Variants in SH3RF3 observed in about 807,000 individuals in gnomAD.
SH3RF3 encodes the protein E3 ubiquitin-protein ligase SH3RF3.
Under a neutral mutation model 66.3 loss-of-function variants are expected in SH3RF3, and 29 were observed. The ratio of observed to expected loss-of-function variants is 0.44; its 90% CI spans 0.33 to 0.60. SH3RF3 has a LOEUF of 0.60. SH3RF3 is among the 20% of genes least tolerant of loss of function. The pLI, the probability that SH3RF3 is intolerant of heterozygous loss-of-function variation, is 0.04. For missense variants in SH3RF3, 1,194 were observed against 1,190.9 expected, an observed-to-expected ratio of 1.00 and a Z score of -0.04; for synonymous variants, 583 against 532.0, an observed-to-expected ratio of 1.10 and a Z score of -1.32.
chr2:109,389,830 G>A (rs1490895840), intron 3 of SH3RF3, among the ~76,000 whole-genome samples: 1 of 152,058 alleles, frequency 6.6e-6, no homozygotes, highest in East Asian at 1.9e-4. Context: ...TGATGGGGGT[G>A]CACTGTCAGA....
At chr2:109,207,808 A>G (rs1174163016) in intron 1 of SH3RF3, among the ~76,000 whole-genome samples, 1 of 152,200 alleles carries the variant, frequency 6.6e-6, no homozygotes, top group Non-Finnish European at 1.5e-5. Context: ...TTTAAATGGC[A>G]CAATTTTCTT....
intron 1 of SH3RF3, among the ~76,000 whole-genome samples, chr2:109,244,817 G>T (rs1468159682): frequency 1.3e-5 from 2 of 152,206 alleles, no homozygotes; most frequent in Non-Finnish European, 2.9e-5. Context: ...CCTTGGAGGG[G>T]TGGCCTGAGA....
At chr2:109,369,465 A>G (rs1277775947) in intron 2 of SH3RF3, among the ~76,000 whole-genome samples, 1 of 152,262 alleles carries the variant, frequency 6.6e-6, no homozygotes, top group Non-Finnish European at 1.5e-5. Flanking sequence ...GTGAAGTGAT[A>G]TGATGCTCTT....
intron 1 of SH3RF3, among the ~76,000 whole-genome samples, chr2:109,254,849 C>T (rs1205127167): frequency 6.6e-6 from 1 of 152,172 alleles, no homozygotes; most frequent in African/African-American, 2.4e-5. Flanking sequence ...GCAGTATCTG[C>T]TCTCTGTGGA....
intron 3 of SH3RF3, among the ~76,000 whole-genome samples, chr2:109,381,925 A>G (rs980169973): frequency 6.6e-6 from 1 of 152,006 alleles, no homozygotes; most frequent in African/African-American, 2.4e-5. Flanking sequence ...CACACATCTC[A>G]TGTCACTTTA....
At chr2:109,420,696 T>C (rs1206745937) in intron 5 of SH3RF3, among the ~76,000 whole-genome samples, 2 of 152,132 alleles carry the variant, frequency 1.3e-5, no homozygotes, top group Admixed American at 6.5e-5. Context: ...CCGCCCGCCT[T>C]GGCCTCCCTA....
intron 5 of SH3RF3, among the ~76,000 whole-genome samples, chr2:109,423,787 A>T (rs1262536560): frequency 6.6e-6 from 1 of 152,154 alleles, no homozygotes; most frequent in East Asian, 1.9e-4. Context: ...TTACAGACAG[A>T]TGCGACCAAG....
At chr2:109,376,072 G>A (rs536514272) in intron 3 of SH3RF3, among the ~76,000 whole-genome samples, 3 of 152,378 alleles carry the variant, frequency 2.0e-5, no homozygotes, top group African/African-American at 7.2e-5. Flanking sequence ...GGCTGGCTGG[G>A]GTAGGCAGAG....
intron 1 of SH3RF3, among the ~76,000 whole-genome samples, chr2:109,143,453 G>C (rs147382960): frequency 6.6e-6 from 1 of 152,222 alleles, no homozygotes; most frequent in African/African-American, 2.4e-5. Flanking sequence ...GATAAAGAAA[G>C]TGCAGTGGGC....
rs372835665 is a variant in SH3RF3 at position 109,339,524 on chromosome 2, G to T, written c.574-8150G>T. 1.3e-3 allele frequency among the ~76,000 whole-genome samples: 195 copies of T among 152,274 alleles called. 1 individual carries two copies. The highest frequency in any genetic ancestry group is 4.2e-3 in the African/African-American group (173 of 41,550). On this transcript the variant is annotated intron_variant, in intron 1 of 9. Coordinates refer to ENST00000309415, the MANE Select transcript of SH3RF3 (RefSeq NM_001099289.3). ...CCCACGTGAGTGTGCTGCCCAAAAG[G>T]CCGGTGGAAAGGTGGTAGATGGGGC... is the stretch of plus-strand genomic sequence containing the variant.
rs138125019 is a variant in SH3RF3 at position 109,225,079 on chromosome 2, G to A, written c.573+94966G>A. Reference sequence around the variant, plus strand: ...TTGACACCTGGCCTGGAGCCTTTTCGTTTAGACCAACCAACTAAGCTGGAT... The same window carrying A: ...TTGACACCTGGCCTGGAGCCTTTTCATTTAGACCAACCAACTAAGCTGGAT... On this transcript the variant is annotated intron_variant, in intron 1 of 9. Coordinates refer to ENST00000309415, the MANE Select transcript of SH3RF3 (RefSeq NM_001099289.3). Among the ~76,000 whole-genome samples the A allele has an allele frequency of 2.2e-3, 328 of 152,216 alleles. 1 individual carries two copies. The highest frequency in any genetic ancestry group is 7.4e-3 in the African/African-American group (308 of 41,508).
intron 1 of SH3RF3, among the ~76,000 whole-genome samples, chr2:109,163,437 C>T (rs1270247176): frequency 1.9e-5 from 2 of 106,808 alleles, no homozygotes; most frequent in Non-Finnish European, 3.4e-5. Flanking sequence ...CTCGCTCTGT[C>T]GCCCAGGCTG....
intron 8 of SH3RF3, among the ~76,000 whole-genome samples, chr2:109,456,844 A>G (rs114954782): frequency 2.4e-3 from 367 of 152,358 alleles, no homozygotes; most frequent in African/African-American, 8.2e-3. Flanking sequence ...ATTCTCTGCT[A>G]CTGCTAGTCA....
Position 109,130,089 on chromosome 2 carries a change from C to A in SH3RF3, c.549C>A (p.Thr183=). Residue 183 remains threonine (T), a synonymous_variant, in exon 1 of 10, where the codon ACC becomes ACA. Transcript: ENST00000309415. ...STAGSLRELA[T]SRTAPAAKNP... ...CCGGCAGTCTGCGGGAGCTGGCGAC[C>A]AGCAGGACCGCGCCGGCGGCAAAGG... The A allele has an allele frequency of 7.4e-7, 1 of 1,358,476 alleles. No homozygotes were observed. The highest frequency in any genetic ancestry group is 9.5e-7 in the Non-Finnish European group (1 of 1,057,656). The allele number at this position is 1,358,476 out of a possible 1,614,324, so 84.2% of individuals were successfully genotyped here.
intron 4 of SH3RF3, among the ~76,000 whole-genome samples, chr2:109,403,036 T>C (rs1676356824): frequency 6.6e-6 from 1 of 152,186 alleles, no homozygotes; most frequent in African/African-American, 2.4e-5. Context: ...GCCCCTTAGC[T>C]GGCCGAATTA....
At chr2:109,370,974 TA>T (rs1361511520) in intron 2 of SH3RF3, among the ~76,000 whole-genome samples, 1 of 152,260 alleles carries the variant, frequency 6.6e-6, no homozygotes, top group Admixed American at 6.5e-5. Flanking sequence ...AATTTATTTT[TA>T]TTCCAAATAT....
At chr2:109,411,383 G>A (rs1469334240) in intron 4 of SH3RF3, among the ~76,000 whole-genome samples, 1 of 152,224 alleles carries the variant, frequency 6.6e-6, no homozygotes, top group African/African-American at 2.4e-5. Context: ...CTGCCCCTCA[G>A]CAGGCCTCGT....
chr2:109,432,507 G>C lies in SH3RF3; in HGVS notation c.1410G>C (p.Leu470=). 6.2e-7 allele frequency: 1 copy of C among 1,613,364 alleles called. No homozygotes were observed. Among genetic ancestry groups the C allele is most frequent in the South Asian group, 1.1e-5 (1 of 90,866 alleles). ...PKVQLPLNVY[L]ALYAYKPQKS... is the part of the protein sequence containing the mutation. The stretch of plus-strand genomic sequence containing the variant: ...CCCCATGCTTTGCCCGCAGGTACCT[G>C]GCGCTCTACGCCTACAAGCCCCAGA... Residue 470 remains leucine (L), a synonymous_variant, in exon 6 of 10, where the codon CTG becomes CTC. Coordinates refer to ENST00000309415, the MANE Select transcript of SH3RF3 (RefSeq NM_001099289.3).
intron 1 of SH3RF3, among the ~76,000 whole-genome samples, chr2:109,146,006 G>A (rs1230471267): frequency 3.9e-5 from 6 of 152,156 alleles, no homozygotes; most frequent in African/African-American, 1.4e-4. Context: ...CCTCCCGGCC[G>A]CAGTGTCCTT....
Sources: gnomAD v4.1 joint callset for allele counts (sites outside exome capture counted in the v4.1 genomes callset) on GRCh38, gnomAD v4.1.1 for gene constraint, MANE v1.5 for transcripts, NCBI Gene and HGNC (gene_info 2026-07-23, HGNC 2026-07-21) for gene names.